The following PTPDC1 variants were observed in gnomAD, a reference collection of about 807,000 sequenced individuals.
The protein encoded by PTPDC1 is protein tyrosine phosphatase domain containing 1.
Under a neutral mutation model 75.3 loss-of-function variants are expected in PTPDC1, and 53 were observed. That is an observed-to-expected ratio of 0.70 (90% CI 0.56 to 0.88). PTPDC1 has a LOEUF of 0.88. PTPDC1 is among the 40% of genes least tolerant of loss of function. PTPDC1 has a pLI of 0.00. For missense variants in PTPDC1, 925 were observed against 998.6 expected (o/e 0.93, Z 0.99); for synonymous variants, 349 against 366.2 (o/e 0.95, Z 0.54).
At chr9:94,036,297 C>A (rs1825268592) in intron 1 of PTPDC1, among the ~76,000 whole-genome samples, 1 of 152,012 alleles carries the variant, frequency 6.6e-6, no homozygotes, top group South Asian at 2.1e-4. Context: ...GTTTTTGTCT[C>A]AGAGTTTTCC....
chr9:94,098,919 A>T (rs1312500777), intron 6 of PTPDC1, among the ~76,000 whole-genome samples: 3 of 152,234 alleles, frequency 2.0e-5, no homozygotes, highest in African/African-American at 7.2e-5. Context: ...AAGCATCTTT[A>T]TGAGGCCTGG....
chr9:94,041,332 G>A (rs1240257724), intron 1 of PTPDC1, among the ~76,000 whole-genome samples: 18 of 152,128 alleles, frequency 1.2e-4, no homozygotes, highest in Admixed American at 8.5e-4. Context: ...TGATGCTGCC[G>A]TTTAGATAGT....
In PTPDC1 at chr9:94,094,798, C is replaced by T. The variant is rs952817198; in HGVS notation, c.617-519C>T. 1.1e-4 allele frequency among the ~76,000 whole-genome samples: 16 copies of T among 152,226 alleles called. No individual in the cohort carries two copies. In the East Asian group the frequency reaches 1.7e-3, roughly 16 times the overall value. On this transcript the variant is annotated intron_variant, in intron 4 of 8. Coordinates refer to ENST00000620992, the MANE Select transcript of PTPDC1 (RefSeq NM_001253829.2). Reference sequence around the variant, plus strand: ...CTTGTGGTGCGCAGTTTTTTAAGCCCGTCCGAAAAGCGCAGTGTTCGGGTG... The same window carrying T: ...CTTGTGGTGCGCAGTTTTTTAAGCCTGTCCGAAAAGCGCAGTGTTCGGGTG...
chr9:94,038,014 CA>C, intron 1 of PTPDC1: 6 of 374,424 alleles, frequency 1.6e-5, no homozygotes, highest in South Asian at 2.8e-5. Flanking sequence ...GCGCCAGCGA[CA>C]AAAAAGAATT....
intron 6 of PTPDC1, chr9:94,098,799 G>A: frequency 1.8e-6 from 1 of 561,932 alleles, no homozygotes; most frequent in South Asian, 2.1e-5. Context: ...ACTCAAGAAA[G>A]CACTTGGTGT....
chr9:94,088,240 C>T lies in PTPDC1; in HGVS notation c.593C>T (p.Pro198Leu). 2 of 1,613,996 alleles carry T rather than the reference C, an allele frequency of 1.2e-6. No individual in the cohort carries two copies. Among genetic ancestry groups the T allele is most frequent in the Non-Finnish European group, 1.7e-6 (2 of 1,179,946 alleles). Residue 198 changes from proline to leucine, a missense_variant, in exon 4 of 9, where the codon CCT becomes CTT. Transcript: ENST00000620992. ...CAAGAAAGTGGCTTCACATACCTTCCTGAGGCTTTCATGGAGGCTGGCAGT... is the reference window on the plus strand; with the variant it reads ...CAAGAAAGTGGCTTCACATACCTTCTTGAGGCTTTCATGGAGGCTGGCAGT... ...LEQESGFTYL[P>L]EAFMEAGIYF...
At chr9:94,036,023 G>GTTTTTTTTTTTTTT (rs200873026) in intron 1 of PTPDC1, among the ~76,000 whole-genome samples, 1 of 85,580 alleles carries the variant, frequency 1.2e-5, no homozygotes, top group African/African-American at 5.2e-5. Flanking sequence ...CGGATTATTT[G>GTTTTTTTTTTTTTT]TTTTTTTTTT....
chr9:94,084,789 A>G lies in PTPDC1; in HGVS notation c.244+15A>G, dbSNP rs1388482291. On this transcript the variant is annotated intron_variant, in intron 1 of 8. Transcript: ENST00000620992. ...AAAAAGTAAAGGTCTCTTTCTTCTT[A>G]TAGATTGCCATACCTATGTATATAA... is the stretch of plus-strand genomic sequence containing the variant. 1.3e-6 allele frequency: 2 copies of G among 1,499,744 alleles called. No individual in the cohort carries two copies. The highest frequency in any genetic ancestry group is 2.3e-5 in the East Asian group (1 of 44,054). 92.9% of individuals were successfully genotyped at this position (1,499,744 alleles called of 1,614,324 possible). A position where few individuals can be genotyped will look rare whatever the true frequency, so the allele number is the denominator to read the frequency against.
intron 1 of PTPDC1, among the ~76,000 whole-genome samples, chr9:94,056,784 A>G (rs914529756): frequency 6.6e-6 from 1 of 152,212 alleles, no homozygotes; most frequent in Non-Finnish European, 1.5e-5. Flanking sequence ...TCTTAACAGT[A>G]TGAGTAATAG....
Position 94,097,171 on chromosome 9 carries a change from A to G in PTPDC1, c.755-150A>G, listed in dbSNP as rs968986079. 4 of 638,130 alleles carry G rather than the reference A, an allele frequency of 6.3e-6. No homozygotes were observed. The South Asian group carries it at 6.5e-5, about 10-fold the overall frequency. The allele number at this position is 638,130 out of a possible 1,614,324, so 39.5% of individuals were successfully genotyped here. On this transcript the variant is annotated intron_variant, in intron 5 of 8. Transcript: ENST00000620992. ...AAATAACACCTCTACAAAAAGTCAC[A>G]AAGTTATCATCATAATTGTCCTTAA...
At chr9:94,036,035 G>GTT (rs563126003) in intron 1 of PTPDC1, among the ~76,000 whole-genome samples, 20 of 118,670 alleles carry the variant, frequency 1.7e-4, no homozygotes, top group Admixed American at 3.4e-4. Flanking sequence ...TTTTTTTTTT[G>GTT]TTTTTTTTTT....
intron 1 of PTPDC1, among the ~76,000 whole-genome samples, chr9:94,061,365 G>A (rs538122202): frequency 1.7e-3 from 261 of 152,352 alleles, no homozygotes; most frequent in Non-Finnish European, 2.8e-3. Context: ...GACACAGGGT[G>A]CAAGCTGCTG....
chr9:94,106,857 A>C (rs1828039186), intron 8 of PTPDC1, among the ~76,000 whole-genome samples: 1 of 152,192 alleles, frequency 6.6e-6, no homozygotes, highest in Non-Finnish European at 1.5e-5. Context: ...AGAGTATGGT[A>C]AACTTGGGTG....
chr9:94,053,243 A>G (rs1272195127), intron 1 of PTPDC1, among the ~76,000 whole-genome samples: 3 of 152,108 alleles, frequency 2.0e-5, no homozygotes, highest in African/African-American at 7.2e-5. Context: ...ACACATTTCT[A>G]GGTGGCTGTC....
intron 1 of PTPDC1, among the ~76,000 whole-genome samples, chr9:94,049,972 C>T (rs1825735785): frequency 6.6e-6 from 1 of 152,132 alleles, no homozygotes; most frequent in South Asian, 2.1e-4. Flanking sequence ...TTTGATCTTC[C>T]ATCACTGATA....
chr9:94,040,825 C>T (rs539269904), intron 1 of PTPDC1, among the ~76,000 whole-genome samples: 64 of 152,250 alleles, frequency 4.2e-4, no homozygotes, highest in Non-Finnish European at 7.8e-4. Context: ...TTTCTAGCTC[C>T]TTTTACCTGA....
At chr9:94,088,475 T>G (rs1827155891) in intron 4 of PTPDC1, among the ~76,000 whole-genome samples, 1 of 152,236 alleles carries the variant, frequency 6.6e-6, no homozygotes, top group South Asian at 2.1e-4. Context: ...GAGGAGACCC[T>G]GTAGTAATAA....
intron 1 of PTPDC1, among the ~76,000 whole-genome samples, chr9:94,051,927 TC>T (rs1417245900): frequency 6.6e-6 from 1 of 152,184 alleles, no homozygotes; most frequent in Admixed American, 6.5e-5. Context: ...TTCCTTAGTT[TC>T]CCAAGGAGGA....
At chr9:94,076,531 A>G (rs1360246695) in intron 2 of PTPDC1, among the ~76,000 whole-genome samples, 1 of 152,036 alleles carries the variant, frequency 6.6e-6, no homozygotes, top group Non-Finnish European at 1.5e-5. Context: ...CTTCCTTTTT[A>G]TGGTTGAATA....
Sources: allele counts gnomAD v4.1 joint callset (sites outside exome capture counted in the v4.1 genomes callset), GRCh38; gene constraint gnomAD v4.1.1; transcripts MANE v1.5; gene names NCBI Gene and HGNC (gene_info 2026-07-23, HGNC 2026-07-21).